The following AP4M1 variants were observed in gnomAD, a reference collection of about 807,000 sequenced individuals.
AP4M1 encodes adaptor related protein complex 4 subunit mu 1.
A neutral mutation model predicts 62.4 loss-of-function variants in AP4M1; 58 were observed. That is an observed-to-expected ratio of 0.93 (90% confidence interval 0.75 to 1.16). The LOEUF (loss-of-function observed/expected upper bound fraction) is 1.16. AP4M1 is among the 50% of genes most tolerant of loss of function. AP4M1 has a pLI of 0.00. For missense variants in AP4M1, 626 were observed against 585.4 expected, an observed-to-expected ratio of 1.07 and a Z score of -0.72; for synonymous variants, 290 against 239.7, an observed-to-expected ratio of 1.21 and a Z score of -1.94.
At chr7:100,103,379 TC>T in intron 4 of AP4M1, 29 bp from the exon 5 acceptor site, 23 of 1,586,124 alleles carry the variant, frequency 1.5e-5, no homozygotes, top group Non-Finnish European at 2.0e-5. Context: ...CCTCCACTGA[TC>T]ACTCAGACTG....
chr7:100,105,028 G>A lies in AP4M1; in HGVS notation c.674-17G>A. ...CATGGCATTGCTGAGCTCTCCTGAT[G>A]GTCTCTCCTCCGACAGAGATGCGCA... is the stretch of plus-strand genomic sequence containing the variant. On this transcript the variant is annotated splice_polypyrimidine_tract_variant and intron_variant, in intron 8 of 14. Coordinates refer to ENST00000359593, the MANE Select transcript of AP4M1 (RefSeq NM_004722.4). The A allele has an allele frequency of 6.2e-7, 1 of 1,614,106 alleles. No individual in the cohort carries two copies. The highest frequency in any genetic ancestry group is 1.6e-4 in the Middle Eastern group (1 of 6,062).
rs1796624377 is a variant in AP4M1 at position 100,107,349 on chromosome 7, C to T, written c.*467C>T. On this transcript the variant is annotated 3_prime_UTR_variant, in exon 15 of 15. Coordinates refer to ENST00000359593, the MANE Select transcript of AP4M1 (RefSeq NM_004722.4). ...GTCCCCAGCCTCCTGCTTCCCCCCA[C>T]AAAGGGCACTGCCGCTGAGTGGGGA... The T allele has an allele frequency of 6.4e-7, 1 of 1,554,572 alleles. No individual in the cohort carries two copies.
upstream of AP4M1, chr7:100,101,336 G>A (rs754951809): frequency 1.2e-5 from 19 of 1,612,330 alleles, no homozygotes; most frequent in East Asian, 6.7e-5. Flanking sequence ...GGGCTCAGAG[G>A]TCTTGCTCCT....
At chr7:100,106,562 G>GCGCCCCCCCCCCCCCCC in intron 14 of AP4M1, 48 bp downstream of exon 14, 1 of 1,514,866 alleles carries the variant, frequency 6.6e-7, no homozygotes, top group Non-Finnish European at 9.1e-7. Flanking sequence ...TTCACTTGCA[G>GCGCCCCCCCCCCCCCCC]CCCCCACCCC....
chr7:100,105,504 C>T lies in AP4M1; in HGVS notation c.894C>T (p.Leu298=), dbSNP rs747839303. Residue 298 remains leucine (L), a synonymous_variant, in exon 11 of 15, where the codon CTC becomes CTT. Coordinates refer to ENST00000359593, the MANE Select transcript of AP4M1 (RefSeq NM_004722.4). ...DDLPSPLPFR[L]FPSVQWDRGS... is the part of the protein sequence containing the mutation. ...TCCCCTCACCGCTCCCCTTCCGGCT[C>T]TTCCCCTCTGTGCAGTGGGACCGAG... 3.7e-6 allele frequency: 6 copies of T among 1,613,860 alleles called. No homozygotes were observed. The highest frequency in any genetic ancestry group is 5.1e-6 in the Non-Finnish European group (6 of 1,180,050).
rs1050542 is a variant in AP4M1, at chr7:100,107,204, A to C, written c.*322A>C. ...CATGTGTGTACGTGCACGTGTGTAC[A>C]TGTCTGCATGTGTGGGAATCCGGGG... is the stretch of plus-strand genomic sequence containing the variant. On this transcript the variant is annotated 3_prime_UTR_variant, in exon 15 of 15. Coordinates refer to ENST00000359593, the MANE Select transcript of AP4M1 (RefSeq NM_004722.4). 1.5e-5 allele frequency: 23 copies of C among 1,518,604 alleles called. No individual in the cohort carries two copies. Among genetic ancestry groups the C allele is most frequent in the Non-Finnish European group, 1.9e-5 (22 of 1,136,236 alleles). The allele number at this position is 1,518,604 out of a possible 1,614,324, so 94.1% of individuals were successfully genotyped here.
At position 100,107,436 on chromosome 7, in the gene AP4M1, C is replaced by G; in HGVS notation, c.*554C>G. On this transcript the variant is annotated 3_prime_UTR_variant, in exon 15 of 15. Coordinates refer to ENST00000359593, the MANE Select transcript of AP4M1 (RefSeq NM_004722.4). ...GGAGGTGGGGCCTCCTTTGCCCTCC[C>G]CTGTTGGGGGAAGTGAGACCACGAT... 6.2e-7 allele frequency: 1 copy of G among 1,611,766 alleles called. No homozygotes were observed.
chr7:100,102,078 C>T lies in AP4M1; in HGVS notation c.147+110C>T, dbSNP rs1430400766. 8 of 1,277,100 alleles carry T rather than the reference C, an allele frequency of 6.3e-6. No individual in the cohort carries two copies. In the East Asian group the frequency reaches 1.7e-4, roughly 27 times the overall value. The allele number at this position is 1,277,100 out of a possible 1,614,324, so 79.1% of individuals were successfully genotyped here. A position where few individuals can be genotyped will look rare whatever the true frequency, so the allele number is the denominator to read the frequency against. On this transcript the variant is annotated intron_variant, in intron 2 of 14. Transcript: ENST00000359593. Reference sequence around the variant, plus strand: ...TAGATTCCACTTGGGGGGTGCATTCCGCCAAATAAAGCTAACGTGAGGCCC... The same window carrying T: ...TAGATTCCACTTGGGGGGTGCATTCTGCCAAATAAAGCTAACGTGAGGCCC...
chr7:100,106,396 A>G lies in AP4M1; in HGVS notation c.1026-7A>G, dbSNP rs761917949. On this transcript the variant is annotated splice_polypyrimidine_tract_variant and splice_region_variant and intron_variant, in intron 13 of 14. Transcript: ENST00000359593. ...CAAGCCCAGCACCTTCCCTTTCCAA[A>G]CTCCAGCCTGTCTCAGGAGCTGAGC... 2 of 1,612,778 alleles carry G rather than the reference A, an allele frequency of 1.2e-6. No individual in the cohort carries two copies. Among genetic ancestry groups the G allele is most frequent in the Non-Finnish European group, 1.7e-6 (2 of 1,179,792 alleles).
At chr7:100,101,396 T>C, upstream of AP4M1, 1 of 1,535,664 alleles carries the variant, frequency 6.5e-7, no homozygotes, top group Non-Finnish European at 8.9e-7. Context: ...CCAACCGAAA[T>C]TGGCGCGAAA....
At position 100,106,742 on chromosome 7, in the gene AP4M1, T is replaced by A; in HGVS notation, c.1222T>A (p.Ser408Thr). The A allele has an allele frequency of 6.2e-7, 1 of 1,614,002 alleles. No homozygotes were observed. The highest frequency in any genetic ancestry group is 1.1e-5 in the South Asian group (1 of 91,088). Reference protein sequence around the residue: ...SPLGLGPASLSFELPRHTCSG... With the variant: ...SPLGLGPASLTFELPRHTCSG... ...TCTGGGGCTGGGCCCTGCCAGTCTC[T>A]CCTTCGAGCTTCCCCGGCACACGTG... is the stretch of plus-strand genomic sequence containing the variant. Residue 408 changes from serine to threonine, a missense_variant, in exon 15 of 15, where the codon TCC becomes ACC. Ser to Thr is a moderately conservative substitution (Grantham distance 58). Transcript: ENST00000359593.
intron 2 of AP4M1, 164 bp from the exon 3 acceptor site, chr7:100,102,511 C>A: frequency 2.9e-6 from 2 of 689,486 alleles, no homozygotes; most frequent in Non-Finnish European, 5.2e-6. Flanking sequence ...AATTAACCCC[C>A]TTTCCACATT....
In AP4M1 at chr7:100,102,744, A is replaced by G. The variant is rs1330357912; in HGVS notation, c.217A>G (p.Asn73Asp). Residue 73 changes from asparagine to aspartate, a missense_variant, in exon 3 of 15, where the codon AAC becomes GAC. By Grantham distance (23) the Asn-to-Asp change is conservative. Coordinates refer to ENST00000359593, the MANE Select transcript of AP4M1 (RefSeq NM_004722.4). ...CTATTTGGTGGTCACAACTTCAGAAAACGTTTCTCCCTTCAGCCTCCTAGA... is the reference window on the plus strand; with the variant it reads ...CTATTTGGTGGTCACAACTTCAGAAGACGTTTCTCCCTTCAGCCTCCTAGA... ...GLYLVVTTSE[N>D]VSPFSLLELL... 6.8e-6 allele frequency: 11 copies of G among 1,614,032 alleles called. No individual in the cohort carries two copies. Among genetic ancestry groups the G allele is most frequent in the Non-Finnish European group, 8.5e-6 (10 of 1,180,022 alleles).
intron 4 of AP4M1, 83 bp from the exon 5 acceptor site, chr7:100,103,326 G>A (rs1584509687): frequency 8.3e-7 from 1 of 1,210,070 alleles, no homozygotes; most frequent in Non-Finnish European, 1.2e-6. Flanking sequence ...GAGTACAGGA[G>A]TGAGTCACCA....
At chr7:100,105,885 G>A in intron 11 of AP4M1, 74 bp from the exon 12 acceptor site, 1 of 1,558,992 alleles carries the variant, frequency 6.4e-7, no homozygotes, top group Non-Finnish European at 8.9e-7. Flanking sequence ...GCCCCACATG[G>A]AGGTCCCTGG....
rs1036423138 is a variant in AP4M1, at chr7:100,108,041, G to C, written c.*1159G>C. 2 of 1,613,738 alleles carry C rather than the reference G, an allele frequency of 1.2e-6. No individual in the cohort carries two copies. The highest frequency in any genetic ancestry group is 1.3e-5 in the African/African-American group (1 of 75,056). On this transcript the variant is annotated 3_prime_UTR_variant, in exon 15 of 15. Transcript: ENST00000359593. ...AGACACCAGTGTCTGGACAGGAAGT[G>C]CGATGGAGCCAGGAACCTTCAGCAA...
chr7:100,103,990 C>A, intron 6 of AP4M1, 102 bp from the exon 7 acceptor site: 1 of 1,058,132 alleles, frequency 9.5e-7, no homozygotes, highest in South Asian at 1.3e-5. Flanking sequence ...TGTCCTCACC[C>A]TAGAGCTGTA....
Position 100,108,491 on chromosome 7 carries a change from T to A in AP4M1, c.*1609T>A. 6.2e-7 allele frequency: 1 copy of A among 1,613,542 alleles called. No homozygotes were observed. Among genetic ancestry groups the A allele is most frequent in the Non-Finnish European group, 8.5e-7 (1 of 1,179,642 alleles). On this transcript the variant is annotated 3_prime_UTR_variant, in exon 15 of 15. Transcript: ENST00000359593. ...CCCGAATTCTGCCCGATAGGCGTCC[T>A]GATTGTCAGGCGGTGGGCGCAGCTT...
chr7:100,101,113 G>T, upstream of AP4M1: 2 of 957,308 alleles, frequency 2.1e-6, no homozygotes, highest in South Asian at 2.9e-5. Flanking sequence ...GGCCCCGTGG[G>T]CCTTAGCCAG....
Sources: gnomAD v4.1 joint callset for allele counts on GRCh38, gnomAD v4.1.1 for gene constraint, MANE v1.5 for transcripts, NCBI Gene and HGNC (gene_info 2026-07-23, HGNC 2026-07-21) for gene names.